Variants in GARNL3 observed in about 807,000 individuals in gnomAD.
GARNL3 encodes GTPase activating Rap/RanGAP domain like 3.
GARNL3 carries 63 observed loss-of-function variants against 125.0 expected under a neutral mutation model. That is an observed-to-expected ratio of 0.50 (90% CI 0.41 to 0.62). GARNL3 has a LOEUF of 0.62. GARNL3 is among the 20% of genes least tolerant of loss of function. GARNL3 has a pLI of 0.00. For missense variants in GARNL3, 994 were observed against 1,244.0 expected, an observed-to-expected ratio of 0.80 and a Z score of 3.02; for synonymous variants, 439 against 457.5, an observed-to-expected ratio of 0.96 and a Z score of 0.52.
chr9:127,374,405 T>C (rs1379517950), intron 22 of GARNL3, among the ~76,000 whole-genome samples: 1 of 152,134 alleles, frequency 6.6e-6, no homozygotes, highest in Non-Finnish European at 1.5e-5. Flanking sequence ...TAAAACCTAA[T>C]AAAAACTTCT....
intron 2 of GARNL3, among the ~76,000 whole-genome samples, chr9:127,248,767 C>G (rs1251608404): frequency 1.3e-5 from 2 of 151,538 alleles, no homozygotes; most frequent in African/African-American, 4.9e-5. Flanking sequence ...GCCACCATGC[C>G]CAGTTAATGT....
chr9:127,385,068 A>C lies in GARNL3; in HGVS notation c.2311A>C (p.Met771Leu). The change falls in exon 24 of 28, where the codon ATG (methionine) becomes CTG (leucine). Residue 771 changes from methionine to leucine, a missense_variant. Met to Leu is a conservative substitution (Grantham distance 15). This residue lies in a region of GARNL3 where 728 missense variants were observed against 865.7 expected (regional missense o/e 0.84). Coordinates refer to ENST00000373387, the MANE Select transcript of GARNL3 (RefSeq NM_032293.5). This position sits in a 1 kb window ranked among gnomAD's most constrained non-coding sequence, Gnocchi z 4.1. ...PYLLAFTTDS[M>L]EIRLVVNGNL... is the part of the protein sequence containing the mutation. ...TCTCCTGGCCTTCACCACCGACTCC[A>C]TGGAGATCCGCCTGGTGGTGAACGG... 6.2e-7 allele frequency: 1 copy of C among 1,612,540 alleles called. No homozygotes were observed.
At position 127,391,524 on chromosome 9, in the gene GARNL3, C is replaced by CAAAAAAAAAAAAAAAAAAAA. The variant is rs763160611; in HGVS notation, c.2870+767_2870+768insAAAAAAAAAAAAAAAAAAAA. 8.7e-4 allele frequency among the ~76,000 whole-genome samples: 61 copies of CAAAAAAAAAAAAAAAAAAAA among 70,406 alleles called. 3 individuals carry two copies. The highest frequency in any genetic ancestry group is 1.5e-3 in the Non-Finnish European group (45 of 29,760). The allele number at this position is 70,406 out of a possible 152,430, so 46.2% of individuals were successfully genotyped here. On this transcript the variant is annotated intron_variant, in intron 27 of 27. Coordinates refer to ENST00000373387, the MANE Select transcript of GARNL3 (RefSeq NM_032293.5). ...GGCAACACAGCAAGACCCATCTCTACAAAAAAAAAATATATATATATATAT... is the reference window on the plus strand; with the variant it reads ...GGCAACACAGCAAGACCCATCTCTACAAAAAAAAAAAAAAAAAAAAAAAAAAAAAATATATATATATATAT...
intron 1 of GARNL3, chr9:127,225,515 T>A: frequency 2.8e-6 from 1 of 357,962 alleles, no homozygotes; most frequent in Non-Finnish European, 3.9e-6. Flanking sequence ...CTGCGGAGGT[T>A]CTCAGGAGAC....
At chr9:127,312,845 T>G (rs2065132037) in intron 3 of GARNL3, among the ~76,000 whole-genome samples, 1 of 152,172 alleles carries the variant, frequency 6.6e-6, no homozygotes, top group Non-Finnish European at 1.5e-5. Flanking sequence ...CAAGTAGTGC[T>G]CAGAGCAGTG....
At chr9:127,361,746 C>T (rs1361414507) in intron 21 of GARNL3, 3 of 152,156 alleles carry the variant, frequency 2.0e-5, no homozygotes, top group Non-Finnish European at 4.4e-5. Flanking sequence ...GTCAGCACAG[C>T]GTTGGAGCCC....
At chr9:127,341,261 T>C (rs1829845684) in intron 13 of GARNL3, among the ~76,000 whole-genome samples, 1 of 152,206 alleles carries the variant, frequency 6.6e-6, no homozygotes, top group South Asian at 2.1e-4. Flanking sequence ...TTTCAAATGC[T>C]ACAACAAGGT....
At chr9:127,322,560 C>G (rs961520239) in intron 6 of GARNL3, among the ~76,000 whole-genome samples, 3 of 152,114 alleles carry the variant, frequency 2.0e-5, no homozygotes, top group African/African-American at 7.2e-5. Context: ...TTCCCCTTGT[C>G]CTCTGTGTGT....
intron 2 of GARNL3, among the ~76,000 whole-genome samples, chr9:127,293,731 G>A (rs565573333): frequency 2.0e-5 from 3 of 152,174 alleles, no homozygotes; most frequent in South Asian, 4.1e-4. Context: ...GCTTCTGCGT[G>A]TGCTAGGCTG....
At chr9:127,301,873 G>A (rs1054068434) in intron 2 of GARNL3, among the ~76,000 whole-genome samples, 2 of 149,776 alleles carry the variant, frequency 1.3e-5, no homozygotes, top group African/African-American at 2.5e-5. Flanking sequence ...GTGCAGCAGA[G>A]GGGACAATCT....
At chr9:127,326,132 G>T (rs1184739433) in intron 7 of GARNL3, among the ~76,000 whole-genome samples, 1 of 152,162 alleles carries the variant, frequency 6.6e-6, no homozygotes, top group African/African-American at 2.4e-5. Flanking sequence ...CAGGACCTCT[G>T]CTCAGAGAGA....
In GARNL3 at chr9:127,266,183, G is replaced by C. The variant is rs2063701636; in HGVS notation, c.144+1162G>C. Among the ~76,000 whole-genome samples the C allele has an allele frequency of 6.6e-6, 1 of 152,162 alleles. No individual in the cohort carries two copies. The highest frequency in any genetic ancestry group is 1.9e-4 in the East Asian group (1 of 5,198). ...AGGTGCATAGCTATAAGTCAGAGTA[G>C]GAATTGGTACTGTGAAAGAGATGCA... is the stretch of plus-strand genomic sequence containing the variant. On this transcript the variant is annotated intron_variant, in intron 1 of 27. Coordinates refer to ENST00000373387, the MANE Select transcript of GARNL3 (RefSeq NM_032293.5). The surrounding 1 kb of genome is among the most constrained non-coding windows in gnomAD (Gnocchi z 4.0).
At chr9:127,305,246 ACTT>A (rs2064919811) in intron 2 of GARNL3, among the ~76,000 whole-genome samples, 2 of 152,158 alleles carry the variant, frequency 1.3e-5, no homozygotes, top group African/African-American at 4.8e-5. Context: ...TTGGCTGTAC[ACTT>A]CTTTGTGCCC....
chr9:127,277,901 T>C (rs1379871516), intron 1 of GARNL3, among the ~76,000 whole-genome samples: 1 of 152,216 alleles, frequency 6.6e-6, no homozygotes, highest in Non-Finnish European at 1.5e-5. Context: ...TGTCATTATT[T>C]GTGGGCATTT....
intron 1 of GARNL3, among the ~76,000 whole-genome samples, chr9:127,272,345 G>A (rs2063842807): frequency 6.7e-6 from 1 of 149,884 alleles, no homozygotes; most frequent in Admixed American, 6.6e-5. Flanking sequence ...ACCAAACTGA[G>A]AGATTAGTGA....
At chr9:127,251,019 A>G (rs913194946) in intron 2 of GARNL3, among the ~76,000 whole-genome samples, 4 of 152,158 alleles carry the variant, frequency 2.6e-5, no homozygotes, top group African/African-American at 2.4e-5. Context: ...TTCAACTTTC[A>G]TATTCCTCAA....
chr9:127,231,456 A>G (rs1425696655), intron 1 of GARNL3, among the ~76,000 whole-genome samples: 1 of 151,922 alleles, frequency 6.6e-6, no homozygotes, highest in African/African-American at 2.4e-5. Flanking sequence ...AGTTATTTTA[A>G]AATATTTTCT....
chr9:127,310,175 A>C (rs1425449437), intron 2 of GARNL3, among the ~76,000 whole-genome samples: 1 of 152,246 alleles, frequency 6.6e-6, no homozygotes, highest in African/African-American at 2.4e-5. Flanking sequence ...AAAATGAAGC[A>C]TCTAAAAGAA....
At chr9:127,290,405 G>A (rs1241636985) in intron 1 of GARNL3, among the ~76,000 whole-genome samples, 2 of 152,220 alleles carry the variant, frequency 1.3e-5, no homozygotes, top group Admixed American at 6.5e-5. Flanking sequence ...AGAGAGGTGA[G>A]AAGTGCCCCT....
Sources: allele counts gnomAD v4.1 joint callset (sites outside exome capture counted in the v4.1 genomes callset), GRCh38; gene constraint gnomAD v4.1.1; regional missense constraint gnomAD v4.1.1; non-coding constraint Gnocchi (gnomAD v3.1); transcripts MANE v1.5; gene names NCBI Gene and HGNC (gene_info 2026-07-23, HGNC 2026-07-21).